Variants in GATA4 observed in about 807,000 individuals in gnomAD.
GATA4 encodes the protein GATA binding protein 4.
A neutral mutation model predicts 37.9 loss-of-function variants in GATA4; 7 were observed. The ratio of observed to expected loss-of-function variants is 0.18; its 90% confidence interval spans 0.11 to 0.35. The LOEUF is 0.35. Among genes scored for constraint, GATA4 ranks in the 10% least tolerant of loss-of-function variants. The pLI, the probability that GATA4 is intolerant of heterozygous loss-of-function variation, is 1.00. For missense variants in GATA4, 647 were observed against 653.0 expected, an observed-to-expected ratio of 0.99 and a Z score of 0.10; for synonymous variants, 372 against 292.6, an observed-to-expected ratio of 1.27 and a Z score of -2.77.
chr8:11,680,445 C>G (rs1798920706), intron 1 of GATA4: 1 of 982,700 alleles, frequency 1.0e-6, no homozygotes, highest in African/African-American at 1.7e-5. Flanking sequence ...ATCGCCTCTC[C>G]GTTCCTGGCA....
rs1585650948 is a variant in GATA4 at position 11,733,965 on chromosome 8, C to A, written c.617-14951C>A. Among the ~76,000 whole-genome samples, 4 of 152,348 alleles carry A rather than the reference C, an allele frequency of 2.6e-5. 1 individual carries two copies. The highest frequency in any genetic ancestry group is 2.6e-4 in the Admixed American group (4 of 15,306). On this transcript the variant is annotated intron_variant, in intron 2 of 6. Coordinates refer to ENST00000532059, the MANE Select transcript of GATA4 (RefSeq NM_001308093.3). Reference sequence around the variant, plus strand: ...CCCCCTGCCACGAGGCTGGCATGAACCACATAGAGGTTTTGCCTTCGGCCT... The same window carrying A: ...CCCCCTGCCACGAGGCTGGCATGAAACACATAGAGGTTTTGCCTTCGGCCT...
In GATA4 at chr8:11,707,465, G is replaced by A. The variant is rs1364644795; in HGVS notation, c.-457-391G>A. Reference sequence around the variant, plus strand: ...GAGAGATGGGGAACAGAGGAGATGAGAGATTTCTTGGGTCCCAGGCACTCT... The same window carrying A: ...GAGAGATGGGGAACAGAGGAGATGAAAGATTTCTTGGGTCCCAGGCACTCT... On this transcript the variant is annotated intron_variant, in intron 1 of 6. Transcript: ENST00000532059. The surrounding 1 kb of genome is among the most constrained non-coding windows in gnomAD (Gnocchi z 4.7). Among the ~76,000 whole-genome samples the A allele has an allele frequency of 6.6e-6, 1 of 152,164 alleles. No homozygotes were observed. Among genetic ancestry groups the A allele is most frequent in the African/African-American group, 2.4e-5 (1 of 41,418 alleles).
chr8:11,742,897 A>T (rs1246792529), intron 2 of GATA4, among the ~76,000 whole-genome samples: 1 of 152,204 alleles, frequency 6.6e-6, no homozygotes, highest in African/African-American at 2.4e-5. Context: ...GGTGGGGCTG[A>T]GACTTTGCTC....
chr8:11,702,581 G>T (rs1471478801), upstream of GATA4, among the ~76,000 whole-genome samples: 3 of 147,024 alleles, frequency 2.0e-5, no homozygotes, highest in Admixed American at 2.0e-4. This position sits in a 1 kb window ranked among gnomAD's most constrained non-coding sequence, Gnocchi z 4.4. Flanking sequence ...CCGCTTTTCC[G>T]CAGCGCCGGC....
intron 1 of GATA4, chr8:11,681,153 G>C: frequency 1.0e-6 from 1 of 985,174 alleles, no homozygotes; most frequent in Non-Finnish European, 1.2e-6. Context: ...CTCCAGCTCC[G>C]TTCTGTTCGC....
intron 1 of GATA4, among the ~76,000 whole-genome samples, chr8:11,696,106 C>A (rs1799501069): frequency 6.6e-6 from 1 of 152,094 alleles, no homozygotes; most frequent in Non-Finnish European, 1.5e-5. Flanking sequence ...TTTCCTTCTG[C>A]TTTTTTCAAA....
At chr8:11,750,296 C>A in intron 4 of GATA4, 60 bp downstream of exon 4, 2 of 1,601,354 alleles carry the variant, frequency 1.2e-6, no homozygotes, top group Non-Finnish European at 1.7e-6. Flanking sequence ...TCTCAGTCCT[C>A]CCTTGTCTTC....
chr8:11,680,595 G>C lies in GATA4; in HGVS notation c.-274+3532G>C, dbSNP rs549808473. On this transcript the variant is annotated intron_variant, in intron 1 of 6. Coordinates refer to the GATA4 transcript ENST00000528712. ...GGAAGCCCAGGCTATGCCCAGCCGG[G>C]TCCGAGCGGCGGTCGGTGGCGTGAC... is the stretch of plus-strand genomic sequence containing the variant. 3.0e-6 allele frequency: 3 copies of C among 985,242 alleles called. No homozygotes were observed. The African/African-American group carries it at 5.2e-5, about 17-fold the overall frequency. 61.0% of individuals were successfully genotyped at this position (985,242 alleles called of 1,614,324 possible).
intron 2 of GATA4, among the ~76,000 whole-genome samples, chr8:11,717,847 G>A (rs76050267): frequency 0.019 from 2,898 of 152,290 alleles, 84 homozygotes; most frequent in South Asian, 0.093. Flanking sequence ...GAATCCCAGT[G>A]TTGCACAAAC....
In GATA4 at chr8:11,707,935, G is replaced by C. The variant is rs770152668; in HGVS notation, c.-378G>C. On this transcript the variant is annotated 5_prime_UTR_variant, in exon 2 of 7. Transcript: ENST00000532059. This position sits in a 1 kb window ranked among gnomAD's most constrained non-coding sequence, Gnocchi z 4.7. ...GCCGCGGGTGTCCTGGAGGCCTCTC[G>C]GTGTGACGAGTGGGGGACCCGAAGG... The C allele has an allele frequency of 1.2e-5, 4 of 330,818 alleles. No individual in the cohort carries two copies. The highest frequency in any genetic ancestry group is 2.2e-5 in the African/African-American group (1 of 44,582). 20.5% of individuals were successfully genotyped at this position (330,818 alleles called of 1,614,324 possible). A position where few individuals can be genotyped will look rare whatever the true frequency, so the allele number is the denominator to read the frequency against.
At chr8:11,701,375 C>A (rs916923862), upstream of GATA4, among the ~76,000 whole-genome samples, 6 of 152,090 alleles carry the variant, frequency 3.9e-5, no homozygotes, top group African/African-American at 1.4e-4. Flanking sequence ...CCAGGCATAT[C>A]TTCCTTAAAA....
At position 11,708,489 on chromosome 8, in the gene GATA4, G is replaced by T; in HGVS notation, c.177G>T (p.Ala59=). 2 of 1,496,040 alleles carry T rather than the reference G, an allele frequency of 1.3e-6. No homozygotes were observed. The highest frequency in any genetic ancestry group is 5.5e-5 in the East Asian group (2 of 36,510). The allele number at this position is 1,496,040 out of a possible 1,614,324, so 92.7% of individuals were successfully genotyped here. ...TGTCCTACCTCCAGGGCGGAGGCGC[G>T]GGCTCTGCGTCCGGAGGCGCCTCGG... ...LGLSYLQGGG[A]GSASGGASGG... Residue 59 remains alanine, a synonymous_variant, in exon 2 of 7, where the codon GCG becomes GCT. Transcript: ENST00000532059. The surrounding 1 kb of genome is among the most constrained non-coding windows in gnomAD (Gnocchi z 6.7).
upstream of GATA4, among the ~76,000 whole-genome samples, chr8:11,701,481 C>G (rs1374722085): frequency 6.6e-5 from 10 of 152,202 alleles, no homozygotes; most frequent in Admixed American, 3.3e-4. Flanking sequence ...AGAGAGGCGC[C>G]GATAAACCTC....
upstream of GATA4, among the ~76,000 whole-genome samples, chr8:11,699,757 C>T (rs1799612563): frequency 6.6e-6 from 1 of 152,254 alleles, no homozygotes; most frequent in African/African-American, 2.4e-5. Context: ...TGGTGTCCGT[C>T]CTGAACTCAG....
chr8:11,751,276 A>G (rs1023829158), intron 4 of GATA4, among the ~76,000 whole-genome samples: 1 of 152,230 alleles, frequency 6.6e-6, no homozygotes, highest in African/African-American at 2.4e-5. Flanking sequence ...CAATATTAAC[A>G]AAAAGGCAAG....
chr8:11,680,434 C>A, intron 1 of GATA4: 1 of 974,736 alleles, frequency 1.0e-6, no homozygotes, highest in African/African-American at 1.7e-5. Context: ...AGCTCCCTCT[C>A]ATCGCCTCTC....
At chr8:11,754,244 C>T (rs957812128) in intron 4 of GATA4, among the ~76,000 whole-genome samples, 1 of 152,196 alleles carries the variant, frequency 6.6e-6, no homozygotes, top group East Asian at 1.9e-4. Context: ...GAAGATAGGG[C>T]CTTGCTCCAC....
At chr8:11,725,348 A>T (rs1800865481) in intron 2 of GATA4, among the ~76,000 whole-genome samples, 1 of 152,196 alleles carries the variant, frequency 6.6e-6, no homozygotes, top group South Asian at 2.1e-4. Context: ...GAAAGTTAGG[A>T]AAGACTGTCT....
At chr8:11,717,872 T>A (rs986796410) in intron 2 of GATA4, among the ~76,000 whole-genome samples, 1 of 152,198 alleles carries the variant, frequency 6.6e-6, no homozygotes, top group African/African-American at 2.4e-5. Context: ...TTTCTAGCCG[T>A]TGGATTCTGG....
Sources: gnomAD v4.1 joint callset for allele counts (sites outside exome capture counted in the v4.1 genomes callset) on GRCh38, gnomAD v4.1.1 for gene constraint, Gnocchi (gnomAD v3.1) non-coding constraint, MANE v1.5 for transcripts, NCBI Gene and HGNC (gene_info 2026-07-23, HGNC 2026-07-21) for gene names.